The following ATG16L2 variants were observed in gnomAD, a reference collection of about 807,000 sequenced individuals.
ATG16L2 encodes autophagy related 16 like 2.
A neutral mutation model predicts 84.7 loss-of-function variants in ATG16L2; 77 were observed. The ratio of observed to expected loss-of-function variants is 0.91; its 90% CI spans 0.76 to 1.10. The LOEUF is 1.10. Ranked by LOEUF, ATG16L2 falls within the 50% of genes least tolerant of loss-of-function variation. The pLI, the probability that ATG16L2 is intolerant of heterozygous loss-of-function variation, is 0.00. For missense variants in ATG16L2, 782 were observed against 817.6 expected, an observed-to-expected ratio of 0.96 and a Z score of 0.53; for synonymous variants, 361 against 342.8, an observed-to-expected ratio of 1.05 and a Z score of -0.59.
intron 7 of ATG16L2, chr11:72,823,671 C>A: frequency 2.2e-6 from 1 of 460,088 alleles, no homozygotes; most frequent in South Asian, 1.6e-5. Flanking sequence ...GACACACCCT[C>A]TCCTGGGCAT....
chr11:72,827,611 A>C (rs1860439534), intron 14 of ATG16L2, among the ~76,000 whole-genome samples: 1 of 152,220 alleles, frequency 6.6e-6, no homozygotes, highest in Admixed American at 6.5e-5. Flanking sequence ...TTTTAAACCA[A>C]AGACCCTAAC....
At position 72,825,375 on chromosome 11, in the gene ATG16L2, A is replaced by AC. The variant is rs1435275366; in HGVS notation, c.1072dup (p.Arg358ProfsTer32). On this transcript the variant is annotated frameshift_variant, in exon 10 of 18. Transcript: ENST00000321297. LOFTEE classifies it high-confidence loss of function. The stretch of plus-strand genomic sequence containing the variant: ...AGCCTCCTGGCCACTGGAGGGGCTG[A>AC]CCGCCTGATCCACCTCTGGAATGTT... 6.2e-7 allele frequency: 1 copy of AC among 1,612,964 alleles called. No individual in the cohort carries two copies. The highest frequency in any genetic ancestry group is 1.1e-5 in the South Asian group (1 of 91,072).
chr11:72,838,494 G>A, intron 5 of ATG16L2: 1 of 442,088 alleles, frequency 2.3e-6, no homozygotes. Flanking sequence ...CTGTTCTTGA[G>A]TCTCATATAA....
intron 5 of ATG16L2, chr11:72,840,775 G>T (rs1860900805): frequency 3.7e-6 from 3 of 809,270 alleles, no homozygotes; most frequent in African/African-American, 1.7e-5. Flanking sequence ...TCCTTGTTTG[G>T]CATAGTCAGT....
chr11:72,828,808 A>G (rs925049640), intron 16 of ATG16L2, 32 bp downstream of exon 16: 3 of 1,614,096 alleles, frequency 1.9e-6, no homozygotes, highest in Non-Finnish European at 2.5e-6. Context: ...CCTGTGTCCA[A>G]GTGTGCCCTG....
Position 72,814,455 on chromosome 11 carries a change from C to T in ATG16L2, c.10C>T (p.Pro4Ser). Reference sequence around the variant, plus strand: ...GCGGGAGAGCGCGGCCATGGCGGGGCCGGGCGTCCCCGGTGCCCCCGCAGC... The same window carrying T: ...GCGGGAGAGCGCGGCCATGGCGGGGTCGGGCGTCCCCGGTGCCCCCGCAGC... MAGPGVPGAPAARW... is the reference protein window; with the variant it reads MAGSGVPGAPAARW... The change falls in exon 1 of 18, where the codon CCG (proline) becomes TCG (serine). Residue 4 changes from proline to serine, a missense_variant. Physicochemically the swap from Pro to Ser is moderately conservative, Grantham distance 74. Transcript: ENST00000321297. 1 of 1,501,766 alleles carries T rather than the reference C, an allele frequency of 6.7e-7. No individual in the cohort carries two copies. Among genetic ancestry groups the T allele is most frequent in the Non-Finnish European group, 8.9e-7 (1 of 1,120,132 alleles). 93.0% of individuals were successfully genotyped at this position (1,501,766 alleles called of 1,614,324 possible).
chr11:72,835,728 A>G (rs1388892123), intron 5 of ATG16L2, among the ~76,000 whole-genome samples: 1 of 152,022 alleles, frequency 6.6e-6, no homozygotes, highest in Admixed American at 6.5e-5. Context: ...GAATCTACCC[A>G]ACATTTATAC....
chr11:72,828,789 G>C lies in ATG16L2; in HGVS notation c.1670+13G>C. 6.2e-7 allele frequency: 1 copy of C among 1,614,184 alleles called. No individual in the cohort carries two copies. The highest frequency in any genetic ancestry group is 8.5e-7 in the Non-Finnish European group (1 of 1,180,036). On this transcript the variant is annotated intron_variant, in intron 16 of 17. Coordinates refer to ENST00000321297, the MANE Select transcript of ATG16L2 (RefSeq NM_033388.2). ...AAGCTGTGTTCAGGTATGTCCGTGA[G>C]AGCATATGCCTGTGTCCAAGTGTGC... is the stretch of plus-strand genomic sequence containing the variant.
At chr11:72,838,406 C>T (rs566914526) in intron 5 of ATG16L2, 17 of 175,236 alleles carry the variant, frequency 9.7e-5, no homozygotes, top group South Asian at 4.8e-4. Context: ...GAATCTTTGC[C>T]ACATCCTTGT....
chr11:72,838,575 G>A, intron 5 of ATG16L2: 1 of 579,698 alleles, frequency 1.7e-6, no homozygotes. Flanking sequence ...TTTGTGCTAT[G>A]GTAGGAGAAA....
chr11:72,829,783 C>T, downstream of ATG16L2: 1 of 316,878 alleles, frequency 3.2e-6, no homozygotes, highest in African/African-American at 2.2e-5. Context: ...AGGTGCTGCT[C>T]AAGTCTAACC....
chr11:72,839,518 T>C (rs1860841771), intron 5 of ATG16L2, among the ~76,000 whole-genome samples: 2 of 151,868 alleles, frequency 1.3e-5, no homozygotes, highest in East Asian at 3.9e-4. Context: ...GTACTGGCAG[T>C]AGGGGAAGTA....
intron 13 of ATG16L2, 48 bp downstream of exon 13, chr11:72,826,871 C>T: frequency 6.3e-7 from 1 of 1,599,682 alleles, no homozygotes; most frequent in Non-Finnish European, 8.5e-7. Context: ...AGCCAGGAGC[C>T]CCAGGCCAGG....
rs751738143 is a variant in ATG16L2, at chr11:72,822,447, C to G, written c.645-31C>G. 6.2e-7 allele frequency: 1 copy of G among 1,612,002 alleles called. No individual in the cohort carries two copies. The highest frequency in any genetic ancestry group is 1.6e-4 in the Middle Eastern group (1 of 6,074). ...CCCGCCTGCGTGCGAGGCGCCGCGC[C>G]AGGGTCTCAGGATGCTTTTTACCCA... On this transcript the variant is annotated intron_variant, in intron 5 of 17. Coordinates refer to ENST00000321297, the MANE Select transcript of ATG16L2 (RefSeq NM_033388.2). The surrounding 1 kb of genome is among the most constrained non-coding windows in gnomAD (Gnocchi z 4.2).
chr11:72,822,007 A>G lies in ATG16L2; in HGVS notation c.393-37A>G. ...ATTCCCACTGGGCAGTGACGGGGGA[A>G]GCTTGGGACCCGCTATCCGCTCTTT... On this transcript the variant is annotated intron_variant, in intron 4 of 17. Coordinates refer to ENST00000321297, the MANE Select transcript of ATG16L2 (RefSeq NM_033388.2). This position sits in a 1 kb window ranked among gnomAD's most constrained non-coding sequence, Gnocchi z 4.2. 6.8e-7 allele frequency: 1 copy of G among 1,470,322 alleles called. No homozygotes were observed. The highest frequency in any genetic ancestry group is 8.9e-7 in the Non-Finnish European group (1 of 1,123,754). The allele number at this position is 1,470,322 out of a possible 1,614,324, so 91.1% of individuals were successfully genotyped here.
Position 72,822,077 on chromosome 11 carries a change from G to A in ATG16L2, c.426G>A (p.Leu142=). 1 of 1,530,534 alleles carries A rather than the reference G, an allele frequency of 6.5e-7. No homozygotes were observed. Among genetic ancestry groups the A allele is most frequent in the African/African-American group, 1.4e-5 (1 of 70,458 alleles). The allele number at this position is 1,530,534 out of a possible 1,614,324, so 94.8% of individuals were successfully genotyped here. A position where few individuals can be genotyped will look rare whatever the true frequency, so the allele number is the denominator to read the frequency against. Residue 142 remains leucine, a synonymous_variant, in exon 5 of 18, where the codon CTG becomes CTA. Coordinates refer to ENST00000321297, the MANE Select transcript of ATG16L2 (RefSeq NM_033388.2). This position sits in a 1 kb window ranked among gnomAD's most constrained non-coding sequence, Gnocchi z 4.2. ...CCCTGGAGGCCCGCGTGGCGCAGCT[G>A]CGAGAGGCGCGGGCGCAGCAGGCCC... ...LAALEARVAQ[L]REARAQQAQQ...
chr11:72,843,374 GACAGGGC>G, exon 6 of ATG16L2: 8 of 1,610,624 alleles, frequency 5.0e-6, no homozygotes, highest in Non-Finnish European at 6.8e-6. Flanking sequence ...ACACAATTTA[GACAGGGC>G]ACAACAAAGA....
chr11:72,814,619 C>T, intron 1 of ATG16L2, 56 bp downstream of exon 1: 2 of 1,436,652 alleles, frequency 1.4e-6, no homozygotes, highest in South Asian at 1.3e-5. Context: ...GCTACGGGCG[C>T]GGGGAGAGGG....
chr11:72,826,786 C>T lies in ATG16L2; in HGVS notation c.1329C>T (p.Asp443=), dbSNP rs780101920. 24 of 1,613,956 alleles carry T rather than the reference C, an allele frequency of 1.5e-5. No individual in the cohort carries two copies. The highest frequency in any genetic ancestry group is 1.9e-5 in the Non-Finnish European group (23 of 1,180,010). Residue 443 remains aspartate, a synonymous_variant, in exon 13 of 18, where the codon GAC becomes GAT. Transcript: ENST00000321297. ...TRHQAVTGSR[D]RTVKEWDLGR... ...ACCAGGCAGTGACTGGGAGCCGCGACCGGACAGTGAAGGAGTGGGACCTCG... is the reference window on the plus strand; with the variant it reads ...ACCAGGCAGTGACTGGGAGCCGCGATCGGACAGTGAAGGAGTGGGACCTCG...
Sources: gnomAD v4.1 joint callset for allele counts (sites outside exome capture counted in the v4.1 genomes callset) on GRCh38, gnomAD v4.1.1 for gene constraint, Gnocchi (gnomAD v3.1) non-coding constraint, MANE v1.5 for transcripts, NCBI Gene and HGNC (gene_info 2026-07-23, HGNC 2026-07-21) for gene names.